The following NCOR2 variants were observed in gnomAD, a reference collection of about 807,000 sequenced individuals.
NCOR2 encodes CTG repeat protein 26.
Under a neutral mutation model 262.9 loss-of-function variants are expected in NCOR2, and 81 were observed. The observed-to-expected ratio is 0.31, with a 90% CI of 0.26 to 0.37. The LOEUF is 0.37. Ranked by LOEUF, NCOR2 falls within the 10% of genes least tolerant of loss-of-function variation. The probability of loss-of-function intolerance (pLI) is 1.00; values close to 1 mark genes in which losing one functional copy is unlikely to be tolerated. For synonymous variants in NCOR2, 1,659 were observed against 1,559.3 expected, an observed-to-expected ratio of 1.06 and a Z score of -1.51; for missense variants, 3,385 against 3,621.4, an observed-to-expected ratio of 0.93 and a Z score of 1.68.
At chr12:124,567,283 G>A (rs1164769303) in intron 1 of NCOR2, 25 bp downstream of exon 1, 4 of 151,952 alleles carry the variant, frequency 2.6e-5, no homozygotes, top group Non-Finnish European at 5.9e-5. Context: ...CCCGCCCTTC[G>A]CGGGGACCCT....
At chr12:124,493,709 G>A (rs557986858) in intron 1 of NCOR2, among the ~76,000 whole-genome samples, 1 of 152,292 alleles carries the variant, frequency 6.6e-6, no homozygotes, top group South Asian at 2.1e-4. Context: ...GTTGGTGGTG[G>A]TGACAGATAA....
intron 14 of NCOR2, among the ~76,000 whole-genome samples, chr12:124,402,069 G>A (rs560173503): frequency 2.0e-5 from 3 of 152,322 alleles, no homozygotes; most frequent in East Asian, 3.9e-4. Context: ...AGGAAAGAGC[G>A]GGAGGAAGCA....
intron 11 of NCOR2, among the ~76,000 whole-genome samples, chr12:124,423,125 G>A (rs988599137): frequency 6.6e-6 from 1 of 152,212 alleles, no homozygotes; most frequent in East Asian, 1.9e-4. Flanking sequence ...CGGGTCGCTG[G>A]CACTGTCCCA....
upstream of NCOR2, among the ~76,000 whole-genome samples, chr12:124,497,426 TA>T (rs1472042376): frequency 6.6e-6 from 1 of 152,224 alleles, no homozygotes; most frequent in Non-Finnish European, 1.5e-5. The surrounding 1 kb of genome is among the most constrained non-coding windows in gnomAD (Gnocchi z 4.2). Context: ...CAGTGTTCCC[TA>T]AACATCAGAC....
At chr12:124,345,561 G>A (rs1485532137) in intron 31 of NCOR2, among the ~76,000 whole-genome samples, 2 of 152,216 alleles carry the variant, frequency 1.3e-5, no homozygotes, top group Non-Finnish European at 2.9e-5. Flanking sequence ...GGACTTTAGG[G>A]CTTTGCAAGC....
Position 124,426,796 on chromosome 12 carries a change from A to G in NCOR2, c.1154T>C (p.Leu385Pro), listed in dbSNP as rs781019577. 7.6e-6 allele frequency: 12 copies of G among 1,575,140 alleles called. No homozygotes were observed. In the Admixed American group the frequency reaches 1.2e-4, roughly 16 times the overall value. The change falls in exon 11 of 47, where the codon CTG (leucine) becomes CCG (proline). Residue 385 changes from leucine to proline, a missense_variant. Physicochemically the swap from Leu to Pro is moderately conservative, Grantham distance 98. Transcript: ENST00000405201. ...GGCCAGCTGGCGCATCTGCTTCTCC[A>G]GGTTCTGCAGGGAAACGGAGGGCAG...
At chr12:124,404,605 G>T (rs895258843) in intron 13 of NCOR2, among the ~76,000 whole-genome samples, 10 of 152,246 alleles carry the variant, frequency 6.6e-5, no homozygotes, top group African/African-American at 2.4e-4. Context: ...CCGCAGGCAG[G>T]GGCCAGTTGG....
In NCOR2 at chr12:124,327,637, GGA is replaced by G. The variant is rs751066641; in HGVS notation, c.6959-6_6959-5del. The G allele has an allele frequency of 1.4e-4, 229 of 1,603,654 alleles. No homozygotes were observed. In the Admixed American group the frequency reaches 3.7e-3, roughly 26 times the overall value. Reference sequence around the variant, plus strand: ...TGGCTTCTATAGGTCATAAGGCCTGGGAGAGAGAGACAGACAGACAGACAGAC... The same window carrying G: ...TGGCTTCTATAGGTCATAAGGCCTGGGAGAGAGACAGACAGACAGACAGAC... On this transcript the variant is annotated splice_region_variant and splice_polypyrimidine_tract_variant and intron_variant, in intron 44 of 46. Transcript: ENST00000405201.
At position 124,493,008 on chromosome 12, in the gene NCOR2, C is replaced by T. The variant is rs551742789; in HGVS notation, c.105+2139G>A. On this transcript the variant is annotated intron_variant, in intron 1 of 46. Coordinates refer to ENST00000405201, the Ensembl canonical transcript of NCOR2. ...CCCCACACAAGGACAGACATGTTCT[C>T]ACCTGTGGCCGCCAGGCTGGGCCCC... Among the ~76,000 whole-genome samples the T allele has an allele frequency of 2.4e-3, 368 of 152,352 alleles. 1 individual carries two copies. The highest frequency in any genetic ancestry group is 8.2e-3 in the African/African-American group (339 of 41,580).
intron 22 of NCOR2, among the ~76,000 whole-genome samples, chr12:124,358,114 CGT>C (rs576253634): frequency 0.022 from 2,661 of 122,756 alleles, 35 homozygotes; most frequent in Middle Eastern, 0.11. Flanking sequence ...CACGTGCGTG[CGT>C]GTGAGTGCAT....
At chr12:124,536,140 G>A (rs1313768197), upstream of NCOR2, among the ~76,000 whole-genome samples, 2 of 152,130 alleles carry the variant, frequency 1.3e-5, no homozygotes, top group African/African-American at 2.4e-5. Flanking sequence ...CACTCAGGCT[G>A]GGGTGCAATC....
At chr12:124,452,213 A>C (rs563966489) in intron 6 of NCOR2, among the ~76,000 whole-genome samples, 1 of 152,360 alleles carries the variant, frequency 6.6e-6, no homozygotes, top group South Asian at 2.1e-4. Flanking sequence ...GAAGGGGTGC[A>C]GTGCAGCATC....
chr12:124,335,003 CCCCA>C, intron 40 of NCOR2, 128 bp downstream of exon 42: 1 of 1,383,216 alleles, frequency 7.2e-7, no homozygotes. Context: ...CCCTGGATCC[CCCCA>C]GCGCCATGCC....
intron 1 of NCOR2, among the ~76,000 whole-genome samples, chr12:124,562,515 C>A (rs531715137): frequency 3.3e-5 from 5 of 152,232 alleles, no homozygotes; most frequent in East Asian, 1.9e-4. Context: ...GGGCCTCCCC[C>A]ACCCCGTCCT....
intron 37 of NCOR2, among the ~76,000 whole-genome samples, chr12:124,339,269 C>T (rs1216176097): frequency 7.2e-6 from 1 of 138,920 alleles, no homozygotes; most frequent in Non-Finnish European, 1.5e-5. Flanking sequence ...CTCTCACCCA[C>T]CCACCTACCT....
intron 13 of NCOR2, among the ~76,000 whole-genome samples, chr12:124,416,745 A>T (rs1054563455): frequency 7.1e-6 from 1 of 141,834 alleles, no homozygotes; most frequent in African/African-American, 2.7e-5. Context: ...CGGCACAGAT[A>T]GACCCCGCGG....
intron 43 of NCOR2, chr12:124,332,048 G>C: frequency 2.2e-6 from 1 of 448,488 alleles, no homozygotes; most frequent in Non-Finnish European, 4.1e-6. Flanking sequence ...CCTGGTCCCA[G>C]TATTCATGCA....
At chr12:124,403,661 G>C (rs2042105284) in intron 13 of NCOR2, among the ~76,000 whole-genome samples, 1 of 152,156 alleles carries the variant, frequency 6.6e-6, no homozygotes, top group Non-Finnish European at 1.5e-5. Flanking sequence ...TTTCAAACCA[G>C]GGAGCAAGAA....
chr12:124,367,152 T>C (rs1192479279), intron 20 of NCOR2, among the ~76,000 whole-genome samples: 1 of 152,152 alleles, frequency 6.6e-6, no homozygotes, highest in African/African-American at 2.4e-5. Flanking sequence ...GGGGCCTGAG[T>C]GCTCCCTGTG....
Sources: allele counts gnomAD v4.1 joint callset (sites outside exome capture counted in the v4.1 genomes callset), GRCh38; gene constraint gnomAD v4.1.1; non-coding constraint Gnocchi (gnomAD v3.1); transcripts MANE v1.5; gene names NCBI Gene and HGNC (gene_info 2026-07-23, HGNC 2026-07-21).